Variants in ASIC2 observed in about 807,000 individuals in gnomAD.
ASIC2 encodes the protein acid-sensing ion channel 2.
In ASIC2, 25 loss-of-function variants were observed where a neutral mutation model predicts 57.3. That is an observed-to-expected ratio of 0.44 (90% CI 0.32 to 0.61). The LOEUF (loss-of-function observed/expected upper bound fraction) is 0.61. Ranked by LOEUF, ASIC2 falls within the 20% of genes least tolerant of loss-of-function variation. The probability of loss-of-function intolerance (pLI) is 0.06; values close to 1 mark genes in which losing one functional copy is unlikely to be tolerated. For synonymous variants in ASIC2, 319 were observed against 307.5 expected, an observed-to-expected ratio of 1.04 and a Z score of -0.39; for missense variants, 641 against 738.1, an observed-to-expected ratio of 0.87 and a Z score of 1.52.
At chr17:34,084,268 G>A (rs1598015395) in intron 1 of ASIC2, among the ~76,000 whole-genome samples, 1 of 152,020 alleles carries the variant, frequency 6.6e-6, no homozygotes, top group Admixed American at 6.6e-5. Context: ...CATATGGCTA[G>A]CCAGTTTTCC....
chr17:33,263,467 TG>T (rs1909355002), intron 1 of ASIC2, among the ~76,000 whole-genome samples: 1 of 152,234 alleles, frequency 6.6e-6, no homozygotes, highest in African/African-American at 2.4e-5. Flanking sequence ...AGATGCTAGC[TG>T]GTGCTGAGCA....
intron 1 of ASIC2, among the ~76,000 whole-genome samples, chr17:33,592,960 C>T (rs4794962): frequency 0.61 from 93,072 of 152,044 alleles, 30,236 homozygotes; most frequent in African/African-American, 0.85. Context: ...TTGCAGCTTA[C>T]AGACCCCTAG....
At chr17:33,134,138 G>A (rs558129849) in intron 1 of ASIC2, among the ~76,000 whole-genome samples, 1 of 152,346 alleles carries the variant, frequency 6.6e-6, no homozygotes, top group South Asian at 2.1e-4. Flanking sequence ...TATTACATAT[G>A]CAAGTGCAAA....
At chr17:34,100,568 G>A (rs753431793) in intron 1 of ASIC2, among the ~76,000 whole-genome samples, 1 of 151,912 alleles carries the variant, frequency 6.6e-6, no homozygotes, top group Non-Finnish European at 1.5e-5. Flanking sequence ...CCTCCAGGAT[G>A]GCTGAGAGCT....
At chr17:33,768,011 A>ATT (rs879481244) in intron 1 of ASIC2, among the ~76,000 whole-genome samples, 118 of 144,966 alleles carry the variant, frequency 8.1e-4, no homozygotes, top group Non-Finnish European at 1.0e-3. Context: ...TACATACACA[A>ATT]TTTTTTTTTT....
In ASIC2 at chr17:33,674,186, CCT is replaced by C. The variant is rs199567633; in HGVS notation, c.555+481790_555+481791del. On this transcript the variant is annotated intron_variant, in intron 1 of 9. Coordinates refer to the ASIC2 transcript ENST00000359872. Reference sequence around the variant, plus strand: ...GGGATTACAGGCGTGAGCCACCGAGCCTGGCCCGTGTCTTTAGCAAGATATTT... The same window carrying C: ...GGGATTACAGGCGTGAGCCACCGAGCGGCCCGTGTCTTTAGCAAGATATTT... Among the ~76,000 whole-genome samples, 841 of 152,284 alleles carry C rather than the reference CCT, an allele frequency of 5.5e-3. 9 individuals are homozygous for C. Among genetic ancestry groups the C allele is most frequent in the African/African-American group, 0.019 (807 of 41,552 alleles).
intron 1 of ASIC2, among the ~76,000 whole-genome samples, chr17:33,513,958 C>T (rs776082191): frequency 6.6e-6 from 1 of 152,246 alleles, no homozygotes; most frequent in Admixed American, 6.5e-5. Flanking sequence ...GGCACCAACA[C>T]TGCCCTCACA....
At chr17:33,577,687 C>T (rs963965739) in intron 1 of ASIC2, among the ~76,000 whole-genome samples, 2 of 152,062 alleles carry the variant, frequency 1.3e-5, no homozygotes, top group African/African-American at 2.4e-5. Context: ...TTTACCAGTC[C>T]CCTCATTCTC....
intron 1 of ASIC2, among the ~76,000 whole-genome samples, chr17:34,065,613 G>A (rs769463553): frequency 4.6e-5 from 7 of 152,140 alleles, no homozygotes; most frequent in Non-Finnish European, 7.3e-5. Flanking sequence ...AAAGACCGCT[G>A]AGGGGTTGTT....
intron 1 of ASIC2, among the ~76,000 whole-genome samples, chr17:33,457,751 G>C (rs1373161899): frequency 6.6e-6 from 1 of 152,168 alleles, no homozygotes. Flanking sequence ...CAAGGGCTTT[G>C]CATGCATTGT....
At chr17:34,083,317 C>T (rs201696244) in intron 1 of ASIC2, among the ~76,000 whole-genome samples, 3,668 of 151,878 alleles carry the variant, frequency 0.024, 136 homozygotes, top group African/African-American at 0.073. Flanking sequence ...ATGATGATTT[C>T]CAATTTCATC....
intron 1 of ASIC2, among the ~76,000 whole-genome samples, chr17:33,544,728 A>T (rs1915526185): frequency 6.6e-6 from 1 of 152,180 alleles, no homozygotes; most frequent in Non-Finnish European, 1.5e-5. Flanking sequence ...AATTTTGCAT[A>T]CTTATTAAAA....
rs116702441 is a variant in ASIC2 at position 33,229,373 on chromosome 17, T to G, written c.708+62035A>C. 4.6e-3 allele frequency among the ~76,000 whole-genome samples: 700 copies of G among 152,260 alleles called. 4 individuals are homozygous for G. The highest frequency in any genetic ancestry group is 0.016 in the African/African-American group (667 of 41,538). ...AGCTGGGGAAGGGTCTGAGGACAGA[T>G]ATGAGGAATGTGGTCTGAGCATGGG... On this transcript the variant is annotated intron_variant, in intron 1 of 9. Coordinates refer to ENST00000225823, the MANE Select transcript of ASIC2 (RefSeq NM_183377.2).
chr17:33,467,385 A>T (rs907759007), intron 1 of ASIC2, among the ~76,000 whole-genome samples: 1 of 152,244 alleles, frequency 6.6e-6, no homozygotes, highest in African/African-American at 2.4e-5. Context: ...GTAAACCAAA[A>T]ATAAAATTCT....
intron 1 of ASIC2, chr17:33,935,770 C>T (rs1486726342): frequency 2.0e-5 from 3 of 152,188 alleles, no homozygotes; most frequent in East Asian, 1.9e-4. Flanking sequence ...TTGTGCTGTG[C>T]GCTTTAGCCA....
intron 1 of ASIC2, among the ~76,000 whole-genome samples, chr17:33,223,425 T>C (rs11080208): frequency 0.78 from 118,138 of 152,066 alleles, 46,529 homozygotes; most frequent in African/African-American, 0.89. Flanking sequence ...CCAAATGATC[T>C]GCCCACCTCA....
intron 1 of ASIC2, among the ~76,000 whole-genome samples, chr17:34,095,928 C>T (rs1004104683): frequency 2.6e-5 from 4 of 151,666 alleles, no homozygotes; most frequent in African/African-American, 9.7e-5. Context: ...ACCCTGAAAC[C>T]AATTTGTATT....
intron 1 of ASIC2, among the ~76,000 whole-genome samples, chr17:34,021,255 A>G (rs549942768): frequency 2.8e-5 from 4 of 142,984 alleles, no homozygotes; most frequent in African/African-American, 1.1e-4. Flanking sequence ...CAAACAAATT[A>G]AAAAAAAAAA....
intron 1 of ASIC2, among the ~76,000 whole-genome samples, chr17:33,228,654 G>A (rs947370570): frequency 9.2e-5 from 14 of 152,262 alleles, no homozygotes; most frequent in African/African-American, 3.4e-4. Flanking sequence ...TCGGAAGAGA[G>A]TATGAGTGAC....
Sources: allele counts gnomAD v4.1 joint callset (sites outside exome capture counted in the v4.1 genomes callset), GRCh38; gene constraint gnomAD v4.1.1; transcripts MANE v1.5; gene names NCBI Gene and HGNC (gene_info 2026-07-23, HGNC 2026-07-21).